IGSF5: variants seen among roughly 807,000 people sequenced by gnomAD.
IGSF5 encodes immunoglobulin superfamily member 5, also known as immunoglobulin superfamily 5 like.
In IGSF5, 41 loss-of-function variants were observed where a neutral mutation model predicts 39.4. The ratio of observed to expected loss-of-function variants is 1.04; its 90% CI spans 0.81 to 1.35. The LOEUF is 1.35. Ranked by LOEUF, IGSF5 falls within the 40% of genes most tolerant of loss-of-function variation. IGSF5 has a pLI of 0.00. For synonymous variants in IGSF5, 183 were observed against 175.3 expected, an observed-to-expected ratio of 1.04 and a Z score of -0.34; for missense variants, 487 against 494.6, an observed-to-expected ratio of 0.98 and a Z score of 0.15.
At chr21:39,725,621 C>T in the IGSF5 span, among the ~76,000 whole-genome samples, 1 of 152,256 alleles carries the variant, frequency 6.6e-6, no homozygotes, top group East Asian at 1.9e-4. Flanking sequence ...GTCTATAAAA[C>T]CTGACTTTGA....
At chr21:39,754,686 A>T (rs566177122) in intron 2 of IGSF5, among the ~76,000 whole-genome samples, 1 of 152,300 alleles carries the variant, frequency 6.6e-6, no homozygotes, top group South Asian at 2.1e-4. Flanking sequence ...TTTTCAACTA[A>T]GTGTAGGTAA....
chr21:39,769,918 G>A (rs752866486), intron 3 of IGSF5, among the ~76,000 whole-genome samples: 5 of 152,112 alleles, frequency 3.3e-5, no homozygotes, highest in Non-Finnish European at 7.4e-5. Flanking sequence ...AGTGTAAAAG[G>A]TACTGAGACC....
At chr21:39,765,460 C>T in intron 2 of IGSF5, 75 bp from the exon 3 acceptor site, 1 of 1,393,392 alleles carries the variant, frequency 7.2e-7, no homozygotes, top group East Asian at 2.3e-5. Flanking sequence ...CTGGTAAATA[C>T]AGAAAGGTTA....
the IGSF5 span, among the ~76,000 whole-genome samples, chr21:39,714,701 TTGTG>T: frequency 6.6e-6 from 1 of 152,124 alleles, no homozygotes; most frequent in Admixed American, 6.5e-5. Flanking sequence ...GGTATCCTTC[TTGTG>T]TGTGTGTGTC....
At chr21:39,773,230 T>C (rs2080123723) in intron 4 of IGSF5, among the ~76,000 whole-genome samples, 1 of 152,168 alleles carries the variant, frequency 6.6e-6, no homozygotes, top group African/African-American at 2.4e-5. Flanking sequence ...CATGCGGTAT[T>C]TGGTTTTCTG....
At position 39,775,123 on chromosome 21, in the gene IGSF5, T is replaced by C. The variant is rs975439703; in HGVS notation, c.718+3908T>C. On this transcript the variant is annotated intron_variant, in intron 4 of 8. Coordinates refer to ENST00000380588, the MANE Select transcript of IGSF5 (RefSeq NM_001080444.2). ...AAGTTACTCTAATGGGCAGCCAGGA[T>C]TGGGGGCTACTGAACTGAAAAAAAA... Among the ~76,000 whole-genome samples, 11 of 151,546 alleles carry C rather than the reference T, an allele frequency of 7.3e-5. No homozygotes were observed. In the East Asian group the frequency reaches 9.7e-4, roughly 13 times the overall value.
At chr21:39,732,470 A>C in the IGSF5 span, among the ~76,000 whole-genome samples, 1 of 152,354 alleles carries the variant, frequency 6.6e-6, no homozygotes, top group Admixed American at 6.5e-5. Context: ...TTTGTGAATC[A>C]AGGACTGCAA....
intron 4 of IGSF5, among the ~76,000 whole-genome samples, chr21:39,775,104 C>T (rs2837207): frequency 0.06 from 9,108 of 152,094 alleles, 863 homozygotes; most frequent in African/African-American, 0.21. Flanking sequence ...TCCCAAGTTA[C>T]TCTAATGGGC....
Position 39,785,971 on chromosome 21 carries a change from GA to G in IGSF5, c.935-2195del, listed in dbSNP as rs1434355022. Reference sequence around the variant, plus strand: ...AAAAATCAATTCAAGATGGATTAAAGACTTAAACGTTAGACCTAAAACCATA... The same window carrying G: ...AAAAATCAATTCAAGATGGATTAAAGCTTAAACGTTAGACCTAAAACCATA... On this transcript the variant is annotated intron_variant, in intron 5 of 8. Coordinates refer to ENST00000380588, the MANE Select transcript of IGSF5 (RefSeq NM_001080444.2). Among the ~76,000 whole-genome samples, 23 of 152,018 alleles carry G rather than the reference GA, an allele frequency of 1.5e-4. 1 individual carries two copies. The East Asian group carries it at 1.9e-3, about 13-fold the overall frequency.
chr21:39,716,426 A>G, the IGSF5 span, among the ~76,000 whole-genome samples: 1 of 151,772 alleles, frequency 6.6e-6, no homozygotes, highest in African/African-American at 2.4e-5. Flanking sequence ...GGCTTGTTGT[A>G]CCTATTTTTA....
chr21:39,779,587 G>A (rs2080159388), intron 5 of IGSF5, among the ~76,000 whole-genome samples: 7 of 152,174 alleles, frequency 4.6e-5, no homozygotes, highest in African/African-American at 1.7e-4. Flanking sequence ...TCATATTGAA[G>A]AGATATCTGC....
chr21:39,763,198 A>T (rs2080069672), intron 2 of IGSF5, among the ~76,000 whole-genome samples: 2 of 152,178 alleles, frequency 1.3e-5, no homozygotes. Context: ...TGTTCTAGCA[A>T]GGACATTAAC....
the IGSF5 span, among the ~76,000 whole-genome samples, chr21:39,720,847 A>G: frequency 3.6e-4 from 55 of 152,298 alleles, 1 homozygote; most frequent in Admixed American, 9.2e-4. Context: ...TCTCTGTATG[A>G]TCATATTACT....
intron 2 of IGSF5, among the ~76,000 whole-genome samples, chr21:39,764,317 G>A (rs1291361474): frequency 6.6e-6 from 1 of 151,998 alleles, no homozygotes; most frequent in African/African-American, 2.4e-5. Flanking sequence ...AAACCTTTAG[G>A]GCTATAATGA....
the IGSF5 span, among the ~76,000 whole-genome samples, chr21:39,720,930 A>G: frequency 6.6e-6 from 1 of 152,176 alleles, no homozygotes; most frequent in Non-Finnish European, 1.5e-5. Context: ...CTTCAAAACA[A>G]AACAAACAAA....
At chr21:39,746,557 C>A (rs993775247) in intron 2 of IGSF5, among the ~76,000 whole-genome samples, 3 of 152,098 alleles carry the variant, frequency 2.0e-5, no homozygotes, top group Non-Finnish European at 2.9e-5. Context: ...TTTTTTGAAT[C>A]AATAACTGAG....
Position 39,765,836 on chromosome 21 carries a change from T to A in IGSF5, c.402T>A (p.Ala134=). Residue 134 remains alanine (A), a synonymous_variant, in exon 3 of 9, where the codon GCT becomes GCA. Coordinates refer to ENST00000380588, the MANE Select transcript of IGSF5 (RefSeq NM_001080444.2). ...AGAACAGTCGCCTGCATGGATCTGC[T>A]TACCTTACCGTCCAAGGTGTGTATG... is the stretch of plus-strand genomic sequence containing the variant. The part of the protein sequence containing the change: ...SLQNSRLHGS[A]YLTVQVMGEL... The A allele has an allele frequency of 6.2e-7, 1 of 1,612,764 alleles. No homozygotes were observed. Among genetic ancestry groups the A allele is most frequent in the Non-Finnish European group, 8.5e-7 (1 of 1,178,990 alleles).
chr21:39,740,331 C>A (rs1019720613), upstream of IGSF5, among the ~76,000 whole-genome samples: 3 of 152,124 alleles, frequency 2.0e-5, no homozygotes, highest in African/African-American at 7.2e-5. Flanking sequence ...AAGACTGCCA[C>A]CTCTTTAGGT....
chr21:39,722,374 G>A, the IGSF5 span: 1 of 152,140 alleles, frequency 6.6e-6, no homozygotes, highest in Non-Finnish European at 1.5e-5. Flanking sequence ...GAAGTAAGCT[G>A]TTGCCATGTG....
Sources: gnomAD v4.1 joint callset for allele counts (sites outside exome capture counted in the v4.1 genomes callset) on GRCh38, gnomAD v4.1.1 for gene constraint, MANE v1.5 for transcripts, NCBI Gene and HGNC (gene_info 2026-07-23, HGNC 2026-07-21) for gene names.